The following FAHD2B variants were observed in gnomAD, a reference collection of about 807,000 sequenced individuals.
FAHD2B encodes oxaloacetate tautomerase FAHD2B, mitochondrial.
A neutral mutation model predicts 33.7 loss-of-function variants in FAHD2B; 26 were observed. The ratio of observed to expected loss-of-function variants is 0.77; its 90% confidence interval spans 0.57 to 1.07. The LOEUF is 1.07. Among genes scored for constraint, FAHD2B ranks in the 50% least tolerant of loss-of-function variants. The pLI, the probability that FAHD2B is intolerant of heterozygous loss-of-function variation, is 0.00. For missense variants in FAHD2B, 272 were observed against 388.1 expected (o/e 0.70, Z 2.51); for synonymous variants, 108 against 150.9 (o/e 0.72, Z 2.08).
chr2:97,083,862 A>G (rs2031771580), intron 8 of FAHD2B, 45 bp from the exon 9 acceptor site: 1 of 1,614,062 alleles, frequency 6.2e-7, no homozygotes, highest in Non-Finnish European at 8.5e-7. Context: ...TCCGTCAGAC[A>G]CATACACAAG....
intron 5 of FAHD2B, 81 bp from the exon 6 acceptor site, chr2:97,085,942 G>A (rs2031955831): frequency 5.0e-6 from 8 of 1,586,686 alleles, no homozygotes; most frequent in Non-Finnish European, 6.0e-6. Context: ...TCTCAAAGCT[G>A]TTATCCCATG....
At chr2:97,090,046 C>T in intron 4 of FAHD2B, 63 bp downstream of exon 4, 1 of 1,514,364 alleles carries the variant, frequency 6.6e-7, no homozygotes, top group South Asian at 1.2e-5. Context: ...AGGCTCAATA[C>T]TGAGCTCAGA....
rs770998419 is a variant in FAHD2B, at chr2:97,091,751, T to C, written c.-6-39A>G. On this transcript the variant is annotated intron_variant, in intron 2 of 8. Coordinates refer to ENST00000414820, the MANE Select transcript of FAHD2B (RefSeq NM_001320848.2). ...CACAGGATCCAGGAGATGGAGGATC[T>C]CAGAGCCATCATCAGCATCCCTGAT... The C allele has an allele frequency of 6.3e-6, 10 of 1,578,388 alleles. No homozygotes were observed. In the Admixed American group the frequency reaches 8.8e-5, roughly 14 times the overall value.
chr2:97,080,620 TGAA>T (rs1295446829), downstream of FAHD2B, among the ~76,000 whole-genome samples: 5 of 152,102 alleles, frequency 3.3e-5, no homozygotes, highest in Non-Finnish European at 1.5e-5. Flanking sequence ...TCTATTTCTG[TGAA>T]GAACTTCCAT....
downstream of FAHD2B, among the ~76,000 whole-genome samples, chr2:97,079,311 T>G (rs1337056697): frequency 1.3e-5 from 2 of 152,120 alleles, no homozygotes; most frequent in Non-Finnish European, 1.5e-5. Context: ...CTTGGGTGAA[T>G]GTTATTTATT....
Position 97,090,019 on chromosome 2 carries a change from C to T in FAHD2B, c.462+90G>A, listed in dbSNP as rs374911109. 159 of 1,523,706 alleles carry T rather than the reference C, an allele frequency of 1.0e-4. 1 individual carries two copies. Among genetic ancestry groups the T allele is most frequent in the South Asian group, 3.4e-4 (28 of 82,214 alleles). 94.4% of individuals were successfully genotyped at this position (1,523,706 alleles called of 1,614,324 possible). The stretch of plus-strand genomic sequence containing the variant: ...AGTTTCTGTTGAATGCACTACTGAG[C>T]GAGAGGTGGCTCCAGTAGGCTCAAT... On this transcript the variant is annotated intron_variant, in intron 4 of 8. Transcript: ENST00000414820.
downstream of FAHD2B, chr2:97,081,843 C>T: frequency 1.8e-6 from 1 of 550,132 alleles, no homozygotes. Flanking sequence ...TCCTCTCACT[C>T]TGCAAGTTGG....
At position 97,091,730 on chromosome 2, in the gene FAHD2B, G is replaced by C. The variant is rs1438524433; in HGVS notation, c.-6-18C>G. The C allele has an allele frequency of 6.3e-7, 1 of 1,595,946 alleles. No homozygotes were observed. The highest frequency in any genetic ancestry group is 8.6e-7 in the Non-Finnish European group (1 of 1,168,594). On this transcript the variant is annotated intron_variant, in intron 2 of 8. Coordinates refer to ENST00000414820, the MANE Select transcript of FAHD2B (RefSeq NM_001320848.2). Reference sequence around the variant, plus strand: ...ATCAGAGCCTGCAGAGAAAAACACAGGATCCAGGAGATGGAGGATCTCAGA... The same window carrying C: ...ATCAGAGCCTGCAGAGAAAAACACACGATCCAGGAGATGGAGGATCTCAGA...
chr2:97,082,664 C>T, downstream of FAHD2B: 2 of 1,561,788 alleles, frequency 1.3e-6, no homozygotes, highest in Non-Finnish European at 1.8e-6. Flanking sequence ...GGCTCCCTGT[C>T]CTCCCTACCT....
intron 1 of FAHD2B, among the ~76,000 whole-genome samples, chr2:97,093,171 A>C (rs1411463046): frequency 6.6e-6 from 1 of 152,002 alleles, no homozygotes; most frequent in Non-Finnish European, 1.5e-5. Context: ...TTCTATGCCC[A>C]AAAATGTTGA....
At chr2:97,092,292 C>T (rs1164696013) in intron 1 of FAHD2B, among the ~76,000 whole-genome samples, 1 of 152,088 alleles carries the variant, frequency 6.6e-6, no homozygotes, top group Admixed American at 6.6e-5. Flanking sequence ...AAATGGTTTC[C>T]ACTGCTCACA....
At chr2:97,079,553 T>C (rs1278298657), downstream of FAHD2B, among the ~76,000 whole-genome samples, 2 of 152,176 alleles carry the variant, frequency 1.3e-5, no homozygotes, top group Non-Finnish European at 2.9e-5. Flanking sequence ...CATATGATTG[T>C]TGGCTGCATG....
chr2:97,088,923 G>A (rs994323855), intron 4 of FAHD2B, among the ~76,000 whole-genome samples: 66 of 152,028 alleles, frequency 4.3e-4, no homozygotes, highest in African/African-American at 1.5e-3. Flanking sequence ...ATGTGTGTTT[G>A]CCATGTGAAG....
intron 2 of FAHD2B, 32 bp from the exon 3 acceptor site, chr2:97,091,744 G>C (rs1170776421): frequency 6.3e-7 from 1 of 1,584,844 alleles, no homozygotes; most frequent in Non-Finnish European, 8.6e-7. Context: ...CCAGGAGATG[G>C]AGGATCTCAG....
At chr2:97,092,965 C>CAAAAAAAAAAAAAAAAAAAAAAAAAAA (rs748844060) in intron 1 of FAHD2B, among the ~76,000 whole-genome samples, 1 of 64,220 alleles carries the variant, frequency 1.6e-5, no homozygotes. Context: ...AGAGCGACTC[C>CAAAAAAAAAAAAAAAAAAAAAAAAAAA]AAAAAAAAAA....
At chr2:97,093,567 C>T (rs573344576) in intron 1 of FAHD2B, among the ~76,000 whole-genome samples, 24 of 151,404 alleles carry the variant, frequency 1.6e-4, no homozygotes, top group East Asian at 5.8e-4. Context: ...CTCTGCCTCC[C>T]GGGTTCATGC....
At chr2:97,086,747 C>T in intron 4 of FAHD2B, 1 of 154,492 alleles carries the variant, frequency 6.5e-6, no homozygotes, top group Non-Finnish European at 1.4e-5. Context: ...ATTGGTGGCT[C>T]TTTCTAATAA....
chr2:97,082,014 G>A, downstream of FAHD2B: 2 of 1,559,566 alleles, frequency 1.3e-6, no homozygotes, highest in Non-Finnish European at 1.7e-6. Flanking sequence ...GTGACACAGG[G>A]CAACGGCGAC....
rs765527111 is a variant in FAHD2B, at chr2:97,092,215, G to A, written c.-132-227C>T. ...GGGTGGCAGCCTAGCATGGGCAAGT[G>A]ACGCTGGTGAAACTGGCTTCACAGT... On this transcript the variant is annotated intron_variant, in intron 1 of 8. Transcript: ENST00000414820. 5.3e-5 allele frequency among the ~76,000 whole-genome samples: 8 copies of A among 152,136 alleles called. 1 individual carries two copies. Among genetic ancestry groups the A allele is most frequent in the Non-Finnish European group, 1.2e-4 (8 of 68,032 alleles).
Sources: allele counts gnomAD v4.1 joint callset (sites outside exome capture counted in the v4.1 genomes callset), GRCh38; gene constraint gnomAD v4.1.1; transcripts MANE v1.5; gene names NCBI Gene and HGNC (gene_info 2026-07-23, HGNC 2026-07-21).